The following SUMF1 variants were observed in gnomAD, a reference collection of about 807,000 sequenced individuals.
SUMF1 encodes sulfatase modifying factor 1.
In SUMF1, 48 loss-of-function variants were observed where a neutral mutation model predicts 47.6. That is an observed-to-expected ratio of 1.01 (90% CI 0.80 to 1.28). The LOEUF (loss-of-function observed/expected upper bound fraction) is 1.28. Ranked by LOEUF, SUMF1 falls within the 50% of genes most tolerant of loss-of-function variation. The pLI, the probability that SUMF1 is intolerant of heterozygous loss-of-function variation, is 0.00. For synonymous variants in SUMF1, 230 were observed against 192.1 expected, an observed-to-expected ratio of 1.20 and a Z score of -1.63; for missense variants, 571 against 485.4, an observed-to-expected ratio of 1.18 and a Z score of -1.66.
chr3:4,291,362 T>C (rs1448619439), intron 8 of SUMF1, among the ~76,000 whole-genome samples: 2 of 152,080 alleles, frequency 1.3e-5, no homozygotes, highest in African/African-American at 4.8e-5. Flanking sequence ...TTGAAATCCA[T>C]CTCTCTCTCC....
chr3:4,399,803 C>G (rs1687899), intron 7 of SUMF1, among the ~76,000 whole-genome samples: 150,039 of 152,312 alleles, frequency 0.99, 73,949 homozygotes, highest in East Asian at 1. Flanking sequence ...TGCCATCTAG[C>G]CTGAAGTGCA....
intron 8 of SUMF1, among the ~76,000 whole-genome samples, chr3:4,325,649 G>T (rs538049572): frequency 6.6e-6 from 1 of 151,846 alleles, no homozygotes; most frequent in Non-Finnish European, 1.5e-5. Flanking sequence ...ATAGGTTGCT[G>T]TTATTTCTAC....
At chr3:4,132,421 T>G (rs1371916517) in intron 8 of SUMF1, among the ~76,000 whole-genome samples, 1 of 152,110 alleles carries the variant, frequency 6.6e-6, no homozygotes, top group Non-Finnish European at 1.5e-5. Flanking sequence ...GACAATACTT[T>G]GCACAGCTGG....
At chr3:4,461,397 G>C (rs968148418) in intron 1 of SUMF1, among the ~76,000 whole-genome samples, 1 of 152,170 alleles carries the variant, frequency 6.6e-6, no homozygotes, top group Admixed American at 6.5e-5. Context: ...ATGATTAAGA[G>C]GCTCTAATAA....
chr3:4,302,572 G>A (rs1697996332), intron 8 of SUMF1, among the ~76,000 whole-genome samples: 1 of 152,132 alleles, frequency 6.6e-6, no homozygotes, highest in Non-Finnish European at 1.5e-5. Flanking sequence ...AGGAAGAAGG[G>A]CATAATGAGG....
intron 8 of SUMF1, among the ~76,000 whole-genome samples, chr3:4,152,991 TA>T (rs761119788): frequency 9.2e-5 from 14 of 151,536 alleles, no homozygotes; most frequent in Non-Finnish European, 2.1e-4. Context: ...TTGTTTGGCA[TA>T]AGCTAAGCAA....
In SUMF1 at chr3:4,150,805, A is replaced by G. The variant is rs140110321; in HGVS notation, c.1015-82060T>C. 4.8e-4 allele frequency among the ~76,000 whole-genome samples: 73 copies of G among 151,630 alleles called. 2 individuals are homozygous for G. The highest frequency in any genetic ancestry group is 6.9e-4 in the Non-Finnish European group (47 of 68,008). On this transcript the variant is annotated intron_variant and NMD_transcript_variant, in intron 8 of 12. Transcript: ENST00000448413. ...GGGCTGAGGAGTATATTGCTGCCCC[A>G]GACAAAAAGAGCTCCATCTCTTCTG... is the stretch of plus-strand genomic sequence containing the variant.
chr3:4,177,579 A>G (rs2125130316), intron 8 of SUMF1, among the ~76,000 whole-genome samples: 1 of 152,346 alleles, frequency 6.6e-6, no homozygotes, highest in East Asian at 1.9e-4. Context: ...TGCCCACAAG[A>G]GAAAGCAGGA....
intron 8 of SUMF1, among the ~76,000 whole-genome samples, chr3:4,369,543 G>A (rs923180121): frequency 1.4e-4 from 21 of 152,194 alleles, no homozygotes; most frequent in African/African-American, 5.1e-4. Context: ...ACAAAGATCA[G>A]GTTCAGGGGG....
In SUMF1 at chr3:4,106,122, C is replaced by T. The variant is rs184316024; in HGVS notation, c.1015-37377G>A. Among the ~76,000 whole-genome samples the T allele has an allele frequency of 7.4e-4, 113 of 152,088 alleles. 1 individual carries two copies. The East Asian group carries it at 0.015, about 20-fold the overall frequency. On this transcript the variant is annotated intron_variant and NMD_transcript_variant, in intron 8 of 12. Coordinates refer to the SUMF1 transcript ENST00000448413. ...ACAATACTTCAGTGAACCTCCTTCT[C>T]TAAGTCACCTTAGGAGAATTTCTGT...
At chr3:4,035,293 G>T (rs7624815) in intron 9 of SUMF1, among the ~76,000 whole-genome samples, 55,906 of 152,046 alleles carry the variant, frequency 0.37, 10,723 homozygotes, top group East Asian at 0.58. Flanking sequence ...GGTAGGGCTA[G>T]ATTCCACCTA....
At chr3:4,211,495 G>A (rs1695793046) in intron 8 of SUMF1, among the ~76,000 whole-genome samples, 1 of 151,768 alleles carries the variant, frequency 6.6e-6, no homozygotes, top group South Asian at 2.1e-4. Flanking sequence ...AAACATGAAA[G>A]AGAAAATAAT....
At chr3:4,456,475 G>A (rs866475179) in intron 1 of SUMF1, among the ~76,000 whole-genome samples, 10 of 139,030 alleles carry the variant, frequency 7.2e-5, no homozygotes, top group Non-Finnish European at 1.1e-4. Context: ...TTTTTGAGAC[G>A]GAGTCTTACT....
intron 8 of SUMF1, among the ~76,000 whole-genome samples, chr3:4,331,664 A>C (rs1304042521): frequency 1.3e-5 from 2 of 152,180 alleles, no homozygotes; most frequent in African/African-American, 4.8e-5. Context: ...CCCTGTCTCT[A>C]CTAAAAATAC....
At position 4,178,157 on chromosome 3, in the gene SUMF1, T is replaced by C. The variant is rs144036668; in HGVS notation, c.1015-109412A>G. Among the ~76,000 whole-genome samples the C allele has an allele frequency of 5.2e-3, 795 of 152,100 alleles. 4 individuals carry two copies. The highest frequency in any genetic ancestry group is 8.1e-3 in the Non-Finnish European group (550 of 67,980). On this transcript the variant is annotated intron_variant and NMD_transcript_variant, in intron 8 of 12. Transcript: ENST00000448413. The stretch of plus-strand genomic sequence containing the variant: ...TTTCTTCTGGAACTATTCCAATCAA[T>C]AGAAAAAGAGGGAATCCTCCCTAAC...
At chr3:4,164,778 G>A (rs139584428) in intron 8 of SUMF1, among the ~76,000 whole-genome samples, 1 of 151,958 alleles carries the variant, frequency 6.6e-6, no homozygotes, top group Non-Finnish European at 1.5e-5. Context: ...CTTGCTTTTG[G>A]AACTTTCTCC....
chr3:4,146,632 C>T (rs919457352), intron 8 of SUMF1, among the ~76,000 whole-genome samples: 2 of 151,762 alleles, frequency 1.3e-5, no homozygotes, highest in South Asian at 4.2e-4. Context: ...GTGTGCTGCA[C>T]CCAGTAACTC....
intron 8 of SUMF1, among the ~76,000 whole-genome samples, chr3:4,150,564 G>A (rs1450761608): frequency 2.0e-5 from 3 of 149,842 alleles, no homozygotes; most frequent in African/African-American, 7.5e-5. Flanking sequence ...AAAAAAAAAT[G>A]TGTAGAGGCA....
chr3:4,230,981 A>T (rs907332938), intron 8 of SUMF1, among the ~76,000 whole-genome samples: 4 of 152,210 alleles, frequency 2.6e-5, no homozygotes, highest in Admixed American at 1.3e-4. Flanking sequence ...TGTGAATTAC[A>T]GGGTTTCATA....
Sources: gnomAD v4.1 joint callset for allele counts (sites outside exome capture counted in the v4.1 genomes callset) on GRCh38, gnomAD v4.1.1 for gene constraint, MANE v1.5 for transcripts, NCBI Gene and HGNC (gene_info 2026-07-23, HGNC 2026-07-21) for gene names.